Variants in CAMK1D observed in about 807,000 individuals in gnomAD.
The protein encoded by CAMK1D is calcium/calmodulin-dependent protein kinase type 1D.
A neutral mutation model predicts 47.7 loss-of-function variants in CAMK1D; 9 were observed. The ratio of observed to expected loss-of-function variants is 0.19; its 90% CI spans 0.11 to 0.33. The LOEUF is 0.33. CAMK1D is among the 10% of genes least tolerant of loss of function. The pLI is 1.00. For missense variants in CAMK1D, 291 were observed against 488.7 expected, an observed-to-expected ratio of 0.60 and a Z score of 3.81; for synonymous variants, 184 against 184.9, an observed-to-expected ratio of 0.99 and a Z score of 0.04.
intron 6 of CAMK1D, among the ~76,000 whole-genome samples, chr10:12,801,915 G>A (rs146979268): frequency 2.6e-5 from 4 of 152,202 alleles, no homozygotes; most frequent in Non-Finnish European, 5.9e-5. Context: ...TCCTGATGGA[G>A]CTAGGCTCTG....
chr10:12,685,613 G>A (rs907565037), intron 3 of CAMK1D, among the ~76,000 whole-genome samples: 6 of 152,156 alleles, frequency 3.9e-5, no homozygotes, highest in Non-Finnish European at 7.3e-5. Context: ...CTGTTTCCAG[G>A]AATAGTTCTC....
chr10:12,351,484 C>T (rs1384448963), intron 1 of CAMK1D, among the ~76,000 whole-genome samples: 1 of 152,178 alleles, frequency 6.6e-6, no homozygotes, highest in East Asian at 1.9e-4. Flanking sequence ...CGCACTGTGG[C>T]CGCCAATGAG....
At chr10:12,545,693 G>C (rs140202607) in intron 1 of CAMK1D, among the ~76,000 whole-genome samples, 1 of 151,516 alleles carries the variant, frequency 6.6e-6, no homozygotes, top group African/African-American at 2.4e-5. Flanking sequence ...CCAGCTACTT[G>C]GGAGGCTGAG....
intron 3 of CAMK1D, among the ~76,000 whole-genome samples, chr10:12,726,028 A>G (rs1011017254): frequency 6.6e-6 from 1 of 152,038 alleles, no homozygotes; most frequent in Non-Finnish European, 1.5e-5. Context: ...AAGTATTGGC[A>G]TTACAGGCAT....
In CAMK1D at chr10:12,515,875, C is replaced by T. The variant is rs577208362; in HGVS notation, c.93-37350C>T. Among the ~76,000 whole-genome samples, 13 of 151,844 alleles carry T rather than the reference C, an allele frequency of 8.6e-5. No homozygotes were observed. The East Asian group carries it at 1.4e-3, about 16-fold the overall frequency. Reference sequence around the variant, plus strand: ...ATCCCCCTGCCTCGGCCTCCCAAAGCGTTGGGATTACAGGCGTGAGCCACC... The same window carrying T: ...ATCCCCCTGCCTCGGCCTCCCAAAGTGTTGGGATTACAGGCGTGAGCCACC... On this transcript the variant is annotated intron_variant, in intron 1 of 10. Transcript: ENST00000619168.
chr10:12,605,724 G>A (rs114011100), intron 2 of CAMK1D, among the ~76,000 whole-genome samples: 1,708 of 152,320 alleles, frequency 0.011, 32 homozygotes, highest in African/African-American at 0.039. Context: ...AAACACTGCC[G>A]CATTGCCCAG....
chr10:12,721,775 G>A (rs1267821467), intron 3 of CAMK1D, among the ~76,000 whole-genome samples: 1 of 152,140 alleles, frequency 6.6e-6, no homozygotes, highest in East Asian at 1.9e-4. Flanking sequence ...GGGAGATTAG[G>A]GTTGTGTGGA....
At chr10:12,355,152 C>T (rs986990818) in intron 1 of CAMK1D, among the ~76,000 whole-genome samples, 1 of 152,102 alleles carries the variant, frequency 6.6e-6, no homozygotes, top group African/African-American at 2.4e-5. Flanking sequence ...TCTGGAGGGA[C>T]ATTTTTGTGA....
At position 12,798,423 on chromosome 10, in the gene CAMK1D, A is replaced by C. The variant is rs116442710; in HGVS notation, c.641+7190A>C. On this transcript the variant is annotated intron_variant, in intron 6 of 10. Transcript: ENST00000619168. ...GGAGGTGACAGACATTAAACAGATAAATTACAATCTAGTCTTACCAGCTGC... is the reference window on the plus strand; with the variant it reads ...GGAGGTGACAGACATTAAACAGATACATTACAATCTAGTCTTACCAGCTGC... Among the ~76,000 whole-genome samples, 900 of 152,268 alleles carry C rather than the reference A, an allele frequency of 5.9e-3. 4 individuals are homozygous for C. The highest frequency in any genetic ancestry group is 0.034 in the Middle Eastern group (10 of 294).
intron 1 of CAMK1D, among the ~76,000 whole-genome samples, chr10:12,516,635 T>C (rs765522882): frequency 3.3e-5 from 5 of 152,234 alleles, no homozygotes; most frequent in Non-Finnish European, 7.3e-5. Context: ...TGCTCTATAT[T>C]CTTGTTAGCT....
At chr10:12,443,229 G>A (rs1392179034) in intron 1 of CAMK1D, among the ~76,000 whole-genome samples, 3 of 152,170 alleles carry the variant, frequency 2.0e-5, no homozygotes, top group Admixed American at 1.3e-4. Context: ...TTGCCTATTT[G>A]TAAAATGTAT....
chr10:12,580,745 A>G lies in CAMK1D; in HGVS notation c.224+27389A>G, dbSNP rs542284769. 4.6e-5 allele frequency among the ~76,000 whole-genome samples: 7 copies of G among 152,316 alleles called. No individual in the cohort carries two copies. The South Asian group carries it at 1.0e-3, about 23-fold the overall frequency. On this transcript the variant is annotated intron_variant, in intron 2 of 10. Transcript: ENST00000619168. ...CTATGGGGAACCCCAGGAATGGCCA[A>G]TGGTGGGAAATTAGGTTCTGGGAAA...
intron 1 of CAMK1D, among the ~76,000 whole-genome samples, chr10:12,356,223 T>G (rs1401328431): frequency 1.3e-5 from 2 of 151,872 alleles, no homozygotes; most frequent in African/African-American, 2.4e-5. Flanking sequence ...ATTCCGGATG[T>G]GTTTTAAAGG....
chr10:12,619,013 A>C (rs1428157248), intron 2 of CAMK1D, among the ~76,000 whole-genome samples: 1 of 152,226 alleles, frequency 6.6e-6, no homozygotes, highest in Non-Finnish European at 1.5e-5. Flanking sequence ...TCTCTCTCTC[A>C]GTGCTATGCA....
At chr10:12,791,333 T>A in intron 6 of CAMK1D, 100 bp downstream of exon 6, 1 of 1,049,342 alleles carries the variant, frequency 9.5e-7, no homozygotes, top group Non-Finnish European at 1.5e-6. Context: ...GGGTACAGTT[T>A]AAGGGTGCAG....
At chr10:12,418,079 G>T (rs1936590660) in intron 1 of CAMK1D, among the ~76,000 whole-genome samples, 1 of 152,194 alleles carries the variant, frequency 6.6e-6, no homozygotes, top group African/African-American at 2.4e-5. Flanking sequence ...GTGCTCACAA[G>T]AGTGAGCCAC....
chr10:12,354,050 A>C (rs1470393458), intron 1 of CAMK1D, among the ~76,000 whole-genome samples: 1 of 152,154 alleles, frequency 6.6e-6, no homozygotes, highest in African/African-American at 2.4e-5. Context: ...CCAGGCTGTG[A>C]AATGTATGTG....
intron 2 of CAMK1D, among the ~76,000 whole-genome samples, chr10:12,554,570 T>C (rs11257882): frequency 0.14 from 12,292 of 89,148 alleles, 3,941 homozygotes; most frequent in Non-Finnish European, 0.22. Context: ...GGCAGGATCT[T>C]GCTCTGTTGC....
intron 1 of CAMK1D, among the ~76,000 whole-genome samples, chr10:12,354,990 C>T (rs531011927): frequency 3.3e-5 from 5 of 152,070 alleles, no homozygotes; most frequent in East Asian, 1.9e-4. Context: ...TACAGGTGTG[C>T]ACCACCATGC....
Sources: gnomAD v4.1 joint callset for allele counts (sites outside exome capture counted in the v4.1 genomes callset) on GRCh38, gnomAD v4.1.1 for gene constraint, MANE v1.5 for transcripts, NCBI Gene and HGNC (gene_info 2026-07-23, HGNC 2026-07-21) for gene names.